The following NCOA2 variants were observed in gnomAD, a reference collection of about 807,000 sequenced individuals.
The protein encoded by NCOA2 is nuclear receptor coactivator 2.
In NCOA2, 21 loss-of-function variants were observed where a neutral mutation model predicts 145.1. The ratio of observed to expected loss-of-function variants is 0.14; its 90% CI spans 0.10 to 0.21. NCOA2 has a LOEUF of 0.21. Among genes scored for constraint, NCOA2 ranks in the 10% least tolerant of loss-of-function variants. The pLI, the probability that NCOA2 is intolerant of heterozygous loss-of-function variation, is 1.00. For synonymous variants in NCOA2, 619 were observed against 637.5 expected, an observed-to-expected ratio of 0.97 and a Z score of 0.44; for missense variants, 1,472 against 1,837.6, an observed-to-expected ratio of 0.80 and a Z score of 3.64.
chr8:70,393,764 T>TAA (rs1316888363), intron 1 of NCOA2, among the ~76,000 whole-genome samples: 2 of 152,234 alleles, frequency 1.3e-5, no homozygotes, highest in Non-Finnish European at 2.9e-5. Flanking sequence ...TGTGTTTTCT[T>TAA]AAAGTGAAAA....
chr8:70,306,154 C>T (rs1384262364), intron 1 of NCOA2, among the ~76,000 whole-genome samples: 7 of 152,108 alleles, frequency 4.6e-5, no homozygotes, highest in Non-Finnish European at 7.4e-5. Context: ...GGCAACAGTA[C>T]CATTTCGGGA....
intron 10 of NCOA2, among the ~76,000 whole-genome samples, chr8:70,159,236 A>ATATATGTATATATATATATATATATG (rs1554578477): frequency 6.2e-5 from 1 of 16,046 alleles, no homozygotes; most frequent in Non-Finnish European, 2.2e-4. Flanking sequence ...ATATATATAT[A>ATATATGTATATATATATATATATATG]TATATATTTT....
intron 2 of NCOA2, among the ~76,000 whole-genome samples, chr8:70,257,267 A>C (rs78785828): frequency 0.046 from 6,954 of 152,310 alleles, 267 homozygotes; most frequent in East Asian, 0.16. Context: ...ATTCAGTTCC[A>C]TTTAAGAAGC....
At chr8:70,442,815 G>C in the NCOA2 span, among the ~76,000 whole-genome samples, 7 of 152,038 alleles carry the variant, frequency 4.6e-5, no homozygotes, top group Non-Finnish European at 1.0e-4. Context: ...GCTGTCCTGT[G>C]GTAGGAATGG....
At chr8:70,249,483 T>C (rs1032295484) in intron 2 of NCOA2, among the ~76,000 whole-genome samples, 3 of 152,200 alleles carry the variant, frequency 2.0e-5, no homozygotes, top group African/African-American at 4.8e-5. Flanking sequence ...GTTCCTTATC[T>C]ATAAATGTGT....
At chr8:70,330,485 T>C (rs1402987574) in intron 1 of NCOA2, among the ~76,000 whole-genome samples, 1 of 151,138 alleles carries the variant, frequency 6.6e-6, no homozygotes, top group Non-Finnish European at 1.5e-5. Flanking sequence ...ATGGAAAGAT[T>C]GTTGGAGCCC....
chr8:70,405,998 T>A (rs530826080), upstream of NCOA2, among the ~76,000 whole-genome samples: 1 of 152,312 alleles, frequency 6.6e-6, no homozygotes, highest in East Asian at 1.9e-4. Context: ...TCTGGTACAA[T>A]CTCTGGGTGC....
rs573980928 is a variant in NCOA2 at position 70,171,218 on chromosome 8, A to AT, written c.364-840dup. Reference sequence around the variant, plus strand: ...AGGATCATTTCAGGAAGTTGAGATAATAACAGTGGCTGTGGAGCATGTTCA... The same window carrying AT: ...AGGATCATTTCAGGAAGTTGAGATAATTAACAGTGGCTGTGGAGCATGTTCA... On this transcript the variant is annotated intron_variant, in intron 5 of 22. Transcript: ENST00000452400. Among the ~76,000 whole-genome samples, 140 of 152,200 alleles carry AT rather than the reference A, an allele frequency of 9.2e-4. 1 individual carries two copies. The highest frequency in any genetic ancestry group is 3.4e-3 in the Middle Eastern group (1 of 294).
intron 1 of NCOA2, among the ~76,000 whole-genome samples, chr8:70,364,765 A>C (rs1350944133): frequency 1.3e-5 from 2 of 151,776 alleles, no homozygotes; most frequent in Non-Finnish European, 2.9e-5. Context: ...AAAACTAGCA[A>C]ATTTCAGGAG....
At position 70,124,049 on chromosome 8, in the gene NCOA2, C is replaced by A. The variant is rs1205847854; in HGVS notation, c.4128G>T (p.Gly1376=). The change falls in exon 21 of 23, where the codon GGG becomes GGT. Residue 1376 remains glycine (G), a synonymous_variant. Transcript: ENST00000452400. ...TGTACATGCTGGTGTTTGCTTGCTGCCCAAAGTGTGGTGGGGACTGCTGGG... is the reference window on the plus strand; with the variant it reads ...TGTACATGCTGGTGTTTGCTTGCTGACCAAAGTGTGGTGGGGACTGCTGGG... The part of the protein sequence containing the change: ...MFSQQSPPHF[G]QQANTSMYSN... 1 of 1,613,728 alleles carries A rather than the reference C, an allele frequency of 6.2e-7. No homozygotes were observed. Among genetic ancestry groups the A allele is most frequent in the African/African-American group, 1.3e-5 (1 of 74,930 alleles).
At chr8:70,377,676 AT>A (rs1441413531) in intron 1 of NCOA2, among the ~76,000 whole-genome samples, 1 of 152,176 alleles carries the variant, frequency 6.6e-6, no homozygotes, top group Non-Finnish European at 1.5e-5. Flanking sequence ...AATGTTTCCC[AT>A]TTCCATAGTA....
chr8:70,207,884 A>AAAAAAAAAG (rs1554593967), intron 4 of NCOA2, among the ~76,000 whole-genome samples: 5 of 144,248 alleles, frequency 3.5e-5, no homozygotes, highest in South Asian at 2.3e-4. Flanking sequence ...AAAAAAAAAA[A>AAAAAAAAAG]AAGAAGAAGA....
chr8:70,343,540 G>A (rs1293133267), intron 1 of NCOA2, among the ~76,000 whole-genome samples: 2 of 151,982 alleles, frequency 1.3e-5, no homozygotes, highest in East Asian at 3.9e-4. Flanking sequence ...GGACACAGTG[G>A]CTCATGCCTG....
chr8:70,119,663 A>G (rs1170616021), intron 22 of NCOA2, among the ~76,000 whole-genome samples: 3 of 152,088 alleles, frequency 2.0e-5, no homozygotes, highest in Admixed American at 1.3e-4. Context: ...ACATTCCAAC[A>G]GTGTATGAGA....
At chr8:70,331,824 T>C (rs532780982) in intron 1 of NCOA2, among the ~76,000 whole-genome samples, 1 of 152,260 alleles carries the variant, frequency 6.6e-6, no homozygotes, top group South Asian at 2.1e-4. Context: ...GATGTTACAG[T>C]CCCAGCAAAG....
intron 1 of NCOA2, among the ~76,000 whole-genome samples, chr8:70,395,616 A>G (rs898203244): frequency 7.9e-5 from 12 of 152,260 alleles, no homozygotes; most frequent in African/African-American, 1.9e-4. Context: ...AAATTTTAAG[A>G]TAAGTTAATA....
chr8:70,273,417 A>T, intron 2 of NCOA2: 1 of 761,082 alleles, frequency 1.3e-6, no homozygotes, highest in Non-Finnish European at 2.0e-6. Flanking sequence ...GCCAAACTGC[A>T]GGCAAAAGTG....
intron 1 of NCOA2, among the ~76,000 whole-genome samples, chr8:70,384,520 G>A (rs897504454): frequency 6.6e-6 from 1 of 151,998 alleles, no homozygotes; most frequent in East Asian, 1.9e-4. Flanking sequence ...TCTCTTTGTC[G>A]AGAATATAAT....
chr8:70,132,112 C>T (rs1377203939), intron 15 of NCOA2, 110 bp from the exon 16 acceptor site: 2 of 1,097,950 alleles, frequency 1.8e-6, no homozygotes, highest in Non-Finnish European at 2.6e-6. Flanking sequence ...GTTGTTGCAA[C>T]AAACTACTGT....
Sources: gnomAD v4.1 joint callset for allele counts (sites outside exome capture counted in the v4.1 genomes callset) on GRCh38, gnomAD v4.1.1 for gene constraint, MANE v1.5 for transcripts, NCBI Gene and HGNC (gene_info 2026-07-23, HGNC 2026-07-21) for gene names.